CDKN2AIP: variants seen among roughly 807,000 people sequenced by gnomAD.
The protein encoded by CDKN2AIP is CDKN2A-interacting protein.
A neutral mutation model predicts 44.1 loss-of-function variants in CDKN2AIP; 12 were observed. The ratio of observed to expected loss-of-function variants is 0.27; its 90% CI spans 0.17 to 0.44. The LOEUF (loss-of-function observed/expected upper bound fraction) is 0.44, where lower values mean the gene tolerates loss of function less well. Ranked by LOEUF, CDKN2AIP falls within the 20% of genes least tolerant of loss-of-function variation. The pLI is 1.00. For synonymous variants in CDKN2AIP, 291 were observed against 272.1 expected (o/e 1.07, Z -0.68); for missense variants, 705 against 681.6 (o/e 1.03, Z -0.38).
Position 183,446,491 on chromosome 4 carries a change from T to C in CDKN2AIP, c.807T>C (p.Pro269=), listed in dbSNP as rs760909541. Reference sequence around the variant, plus strand: ...ATTCTAGACAACAAAGTGGATCACCTAAAAAGAGTGCTTTGGAAGGCTCTT... The same window carrying C: ...ATTCTAGACAACAAAGTGGATCACCCAAAAAGAGTGCTTTGGAAGGCTCTT... The part of the protein sequence containing the change: ...STDSRQQSGS[P]KKSALEGSSA... The change falls in exon 3 of 3, where the codon CCT becomes CCC. Residue 269 remains proline (P), a synonymous_variant. Transcript: ENST00000504169. The C allele has an allele frequency of 6.8e-6, 11 of 1,613,756 alleles. No individual in the cohort carries two copies. Among genetic ancestry groups the C allele is most frequent in the African/African-American group, 2.7e-5 (2 of 74,900 alleles).
rs1271070353 is a variant in CDKN2AIP, at chr4:183,446,359, A to G, written c.675A>G (p.Ala225=). Residue 225 remains alanine (A), a synonymous_variant, in exon 3 of 3, where the codon GCA becomes GCG. Coordinates refer to ENST00000504169, the MANE Select transcript of CDKN2AIP (RefSeq NM_017632.4). The stretch of plus-strand genomic sequence containing the variant: ...GCGTTTCCTCTCAGGTAACAACGGC[A>G]GGATCTGGGAAAGCTTCTGAAGCAG... ...SSSVSSQVTT[A]GSGKASEAEA... is the part of the protein sequence containing the mutation. 12 of 1,613,942 alleles carry G rather than the reference A, an allele frequency of 7.4e-6. No homozygotes were observed. Among genetic ancestry groups the G allele is most frequent in the African/African-American group, 1.3e-5 (1 of 75,028 alleles).
At chr4:183,445,742 A>G in intron 2 of CDKN2AIP, 77 bp downstream of exon 2, 2 of 1,289,080 alleles carry the variant, frequency 1.6e-6, no homozygotes, top group South Asian at 1.3e-5. Context: ...ATTGTTACTA[A>G]TTTTTTTAAC....
chr4:183,447,466 GA>G lies in CDKN2AIP; in HGVS notation c.*41del. On this transcript the variant is annotated 3_prime_UTR_variant, in exon 3 of 3. Coordinates refer to ENST00000504169, the MANE Select transcript of CDKN2AIP (RefSeq NM_017632.4). ...TCACTGCATACAATATCTGGTATTT[GA>G]AGAGAAAAACTGACTTTTGTATAGT... 7.0e-7 allele frequency: 1 copy of G among 1,428,484 alleles called. No individual in the cohort carries two copies. 88.5% of individuals were successfully genotyped at this position (1,428,484 alleles called of 1,614,324 possible).
Position 183,446,546 on chromosome 4 carries a change from A to G in CDKN2AIP, c.862A>G (p.Ile288Val). The G allele has an allele frequency of 6.2e-7, 1 of 1,613,976 alleles. No individual in the cohort carries two copies. The highest frequency in any genetic ancestry group is 8.5e-7 in the Non-Finnish European group (1 of 1,179,824). Residue 288 changes from isoleucine to valine, a missense_variant, in exon 3 of 3, where the codon ATC (isoleucine) becomes GTC (valine). Ile to Val is a conservative substitution (Grantham distance 29). Transcript: ENST00000504169. ...SASASQSSSE[I>V]EVPLLGSSGS... ...CTCAGCTTCTCAAAGCAGCTCAGAG[A>G]TCGAGGTGCCCTTGTTGGGCTCCTC...
Position 183,445,061 on chromosome 4 carries a change from C to T in CDKN2AIP, c.264C>T (p.Leu88=), listed in dbSNP as rs777539793. 3.8e-6 allele frequency: 6 copies of T among 1,582,670 alleles called. No individual in the cohort carries two copies. Among genetic ancestry groups the T allele is most frequent in the Admixed American group, 3.4e-5 (2 of 58,762 alleles). The change falls in exon 1 of 3, where the codon CTC becomes CTT. Residue 88 remains leucine (L), a synonymous_variant. Transcript: ENST00000504169. The stretch of plus-strand genomic sequence containing the variant: ...TGGCCTGGGCGAACCACGTCTTCCT[C>T]GGGTGCCGGTGAGTGAGGCAGCGTC... ...FSMAWANHVF[L]GCRYPQKVMD...
In CDKN2AIP at chr4:183,444,905, G is replaced by T; in HGVS notation, c.108G>T (p.Arg36=). The change falls in exon 1 of 3, where the codon CGG becomes CGT. Residue 36 remains arginine (R), a synonymous_variant. Transcript: ENST00000504169. ...GETDKHWRHR[R]DFLLRNAGDL... Reference sequence around the variant, plus strand: ...CTGACAAACACTGGCGCCACCGCCGGGATTTTTTGCTTCGCAACGCCGGGG... The same window carrying T: ...CTGACAAACACTGGCGCCACCGCCGTGATTTTTTGCTTCGCAACGCCGGGG... The T allele has an allele frequency of 6.2e-7, 1 of 1,609,712 alleles. No homozygotes were observed. Among genetic ancestry groups the T allele is most frequent in the Non-Finnish European group, 8.5e-7 (1 of 1,178,384 alleles).
chr4:183,444,680 G>A lies in CDKN2AIP; in HGVS notation c.-118G>A, dbSNP rs1444153204. On this transcript the variant is annotated 5_prime_UTR_variant, in exon 1 of 3. Coordinates refer to ENST00000504169, the MANE Select transcript of CDKN2AIP (RefSeq NM_017632.4). The stretch of plus-strand genomic sequence containing the variant: ...CTGGGCGCTGTTGTTTGGTCTTTAG[G>A]CCTGCGGAGGGGCGTTATCTGGAGG... 3 of 1,032,352 alleles carry A rather than the reference G, an allele frequency of 2.9e-6. No individual in the cohort carries two copies. The Admixed American group carries it at 9.2e-5, about 32-fold the overall frequency. The allele number at this position is 1,032,352 out of a possible 1,614,324, so 63.9% of individuals were successfully genotyped here. A position where few individuals can be genotyped will look rare whatever the true frequency, so the allele number is the denominator to read the frequency against.
At chr4:183,445,135 G>GCGCCCTC (rs1733638621) in intron 1 of CDKN2AIP, 66 bp downstream of exon 1, 2 of 1,504,024 alleles carry the variant, frequency 1.3e-6, no homozygotes, top group Non-Finnish European at 1.8e-6. Flanking sequence ...CCGGGGCCCG[G>GCGCCCTC]CGCCCTCCGC....
Position 183,446,454 on chromosome 4 carries a change from C to A in CDKN2AIP, c.770C>A (p.Thr257Asn). 3.1e-6 allele frequency: 5 copies of A among 1,613,758 alleles called. No individual in the cohort carries two copies. Among genetic ancestry groups the A allele is most frequent in the Non-Finnish European group, 4.2e-6 (5 of 1,179,630 alleles). Reference protein sequence around the residue: ...LLKSSVNSHMTQSTDSRQQSG... With the variant: ...LLKSSVNSHMNQSTDSRQQSG... ...AAATCCAGTGTGAATAGTCACATGA[C>A]CCAATCCACTGATTCTAGACAACAA... The change falls in exon 3 of 3, where the codon ACC (threonine) becomes AAC (asparagine). Residue 257 changes from threonine (T) to asparagine (N), a missense_variant. Thr to Asn is a moderately conservative substitution (Grantham distance 65). Around this residue, in one of 2 missense-constraint regions of CDKN2AIP, gnomAD observed 592 missense variants for 518.0 expected, o/e 1.14. Coordinates refer to ENST00000504169, the MANE Select transcript of CDKN2AIP (RefSeq NM_017632.4).
chr4:183,446,905 A>ACAGTTG lies in CDKN2AIP; in HGVS notation c.1223_1228dup (p.Gln408_Leu409dup), dbSNP rs1733695652. The stretch of plus-strand genomic sequence containing the variant: ...AGAGTAGTTCTCAGACTAGCACCTC[A>ACAGTTG]CAGTTGCCTTCTAAAAGTACTTCAC... On this transcript the variant is annotated inframe_insertion, in exon 3 of 3. Coordinates refer to ENST00000504169, the MANE Select transcript of CDKN2AIP (RefSeq NM_017632.4). 3 of 1,613,990 alleles carry ACAGTTG rather than the reference A, an allele frequency of 1.9e-6. No homozygotes were observed. The Admixed American group carries it at 5.0e-5, about 27-fold the overall frequency.
intron 2 of CDKN2AIP, 33 bp from the exon 3 acceptor site, chr4:183,446,055 T>C: frequency 1.3e-6 from 2 of 1,534,376 alleles, no homozygotes; most frequent in African/African-American, 1.4e-5. Flanking sequence ...CGAGGTATTC[T>C]TAGTCACATA....
At chr4:183,445,424 G>T in intron 1 of CDKN2AIP, 111 bp from the exon 2 acceptor site, 1 of 838,228 alleles carries the variant, frequency 1.2e-6, no homozygotes, top group Non-Finnish European at 1.9e-6. Context: ...CTTGGCGGTT[G>T]GTTCACTTTC....
At chr4:183,445,759 G>A in intron 2 of CDKN2AIP, 94 bp downstream of exon 2, 1 of 974,440 alleles carries the variant, frequency 1.0e-6, no homozygotes, top group Non-Finnish European at 1.6e-6. Context: ...TAACAAGCCA[G>A]AATTTTTATG....
At chr4:183,445,363 C>T (rs1737707778) in intron 1 of CDKN2AIP, 172 bp from the exon 2 acceptor site, 2 of 630,092 alleles carry the variant, frequency 3.2e-6, no homozygotes, top group Admixed American at 5.9e-5. Flanking sequence ...GAGGAGGTGC[C>T]CTGCCTCCCA....
intron 1 of CDKN2AIP, chr4:183,445,281 C>CGCA: frequency 1.5e-6 from 1 of 648,844 alleles, no homozygotes; most frequent in Non-Finnish European, 2.6e-6. Flanking sequence ...GTGGTGTGGG[C>CGCA]GCAGCTGCTG....
chr4:183,445,722 A>G, intron 2 of CDKN2AIP, 57 bp downstream of exon 2: 11 of 1,400,858 alleles, frequency 7.9e-6, no homozygotes, highest in Non-Finnish European at 1.1e-5. Flanking sequence ...GTTTGATATA[A>G]TTAGGAATTA....
chr4:183,446,115 G>T lies in CDKN2AIP; in HGVS notation c.431G>T (p.Arg144Leu), dbSNP rs757398516. ...NEGVEEPSKK[R>L]VIEGKNSSAV... ...GGGGTAGAAGAGCCATCCAAAAAAC[G>T]AGTTATAGAAGGAAAAAACAGTTCT... The change falls in exon 3 of 3, where the codon CGA (arginine) becomes CTA (leucine). Residue 144 changes from arginine to leucine, a missense_variant. Coordinates refer to ENST00000504169, the MANE Select transcript of CDKN2AIP (RefSeq NM_017632.4). 6.2e-7 allele frequency: 1 copy of T among 1,610,224 alleles called. No homozygotes were observed. The highest frequency in any genetic ancestry group is 1.1e-5 in the South Asian group (1 of 90,510).
intron 2 of CDKN2AIP, 192 bp from the exon 3 acceptor site, chr4:183,445,896 A>T (rs1733655512): frequency 3.1e-6 from 2 of 641,666 alleles, no homozygotes; most frequent in East Asian, 2.8e-5. Context: ...TGATGCTGTT[A>T]TTTTTTTAAT....
intron 1 of CDKN2AIP, 65 bp from the exon 2 acceptor site, chr4:183,445,470 G>GT (rs1384638506): frequency 4.2e-5 from 39 of 917,748 alleles, no homozygotes; most frequent in Non-Finnish European, 6.0e-5. Context: ...CCTGTGGCCT[G>GT]TTTTTTGCAC....
Sources: allele counts gnomAD v4.1 joint callset, GRCh38; gene constraint gnomAD v4.1.1; regional missense constraint gnomAD v4.1.1; transcripts MANE v1.5; gene names NCBI Gene and HGNC (gene_info 2026-07-23, HGNC 2026-07-21).